The following KCNT2 variants were observed in gnomAD, a reference collection of about 807,000 sequenced individuals.
KCNT2 encodes the protein potassium channel subfamily T member 2.
In KCNT2, 67 loss-of-function variants were observed where a neutral mutation model predicts 153.8. The observed-to-expected ratio is 0.44, with a 90% CI of 0.36 to 0.53. The LOEUF (loss-of-function observed/expected upper bound fraction) is 0.53. Among genes scored for constraint, KCNT2 ranks in the 20% least tolerant of loss-of-function variants. KCNT2 has a pLI of 0.00. For missense variants in KCNT2, 975 were observed against 1,354.8 expected, an observed-to-expected ratio of 0.72 and a Z score of 4.40; for synonymous variants, 500 against 458.8, an observed-to-expected ratio of 1.09 and a Z score of -1.15.
intron 26 of KCNT2, among the ~76,000 whole-genome samples, chr1:196,239,106 T>C (rs1000634788): frequency 5.3e-5 from 8 of 151,964 alleles, no homozygotes; most frequent in Non-Finnish European, 8.8e-5. Flanking sequence ...CCATATTTAC[T>C]GAATAAAATA....
At chr1:196,543,178 C>G (rs1656617207) in intron 1 of KCNT2, among the ~76,000 whole-genome samples, 1 of 152,096 alleles carries the variant, frequency 6.6e-6, no homozygotes, top group South Asian at 2.1e-4. Context: ...AAGCTTTATG[C>G]ATGAGAAATT....
At chr1:196,590,370 C>T (rs1036372077) in intron 1 of KCNT2, among the ~76,000 whole-genome samples, 1 of 152,128 alleles carries the variant, frequency 6.6e-6, no homozygotes, top group Non-Finnish European at 1.5e-5. Flanking sequence ...CAGCTACTGA[C>T]AGATAATATT....
At chr1:196,564,179 A>G (rs1659789667) in intron 1 of KCNT2, among the ~76,000 whole-genome samples, 1 of 151,922 alleles carries the variant, frequency 6.6e-6, no homozygotes, top group Non-Finnish European at 1.5e-5. Context: ...GTTGCAGGAT[A>G]CAAAATCACA....
intron 12 of KCNT2, among the ~76,000 whole-genome samples, chr1:196,404,336 G>GT (rs947235541): frequency 2.0e-5 from 3 of 151,718 alleles, no homozygotes; most frequent in African/African-American, 7.2e-5. Context: ...ATCAGATGCA[G>GT]TTTTTTCCAA....
chr1:196,411,464 A>AAG (rs1553317325), intron 12 of KCNT2, among the ~76,000 whole-genome samples: 2,756 of 150,096 alleles, frequency 0.018, 92 homozygotes, highest in African/African-American at 0.064. Context: ...AAAAAAAAAA[A>AAG]AAAAACGGCC....
chr1:196,387,037 T>A (rs1473914334), intron 13 of KCNT2, among the ~76,000 whole-genome samples: 1 of 152,094 alleles, frequency 6.6e-6, no homozygotes, highest in Non-Finnish European at 1.5e-5. Flanking sequence ...ATCTCACTGC[T>A]TAGATATAAC....
At chr1:196,540,002 G>A (rs1656122360) in intron 1 of KCNT2, among the ~76,000 whole-genome samples, 1 of 151,846 alleles carries the variant, frequency 6.6e-6, no homozygotes, top group Admixed American at 6.6e-5. Context: ...TATCCAACAA[G>A]GGTATGATCA....
Position 196,333,938 on chromosome 1 carries a change from C to A in KCNT2, c.1906G>T (p.Ala636Ser). 2 of 1,612,648 alleles carry A rather than the reference C, an allele frequency of 1.2e-6. No individual in the cohort carries two copies. The highest frequency in any genetic ancestry group is 1.7e-6 in the Non-Finnish European group (2 of 1,178,958). ...RPSIAPVLEV[A>S]DTSSIQTCDL... is the part of the protein sequence containing the mutation. The stretch of plus-strand genomic sequence containing the variant: ...CATGTTTGAATCGATGATGTATCTG[C>A]AACCTCTAAAACAGGAGCAATGCTA... The change falls in exon 17 of 28, where the codon GCA becomes TCA. Residue 636 changes from alanine to serine, a missense_variant. Ala to Ser is a moderately conservative substitution (Grantham distance 99). Around this residue, in one of 6 missense-constraint regions of KCNT2, gnomAD observed 325 missense variants for 388.1 expected, o/e 0.84. Transcript: ENST00000294725.
At chr1:196,435,308 G>A (rs1319188534) in intron 8 of KCNT2, among the ~76,000 whole-genome samples, 1 of 149,452 alleles carries the variant, frequency 6.7e-6, no homozygotes, top group Non-Finnish European at 1.5e-5. Context: ...AGTACTAAAA[G>A]CAAGTAAAAT....
At chr1:196,549,931 A>G (rs918861589) in intron 1 of KCNT2, among the ~76,000 whole-genome samples, 1 of 151,884 alleles carries the variant, frequency 6.6e-6, no homozygotes, top group African/African-American at 2.4e-5. Context: ...TAGGCTGAGA[A>G]AGAAACAGAG....
intron 13 of KCNT2, among the ~76,000 whole-genome samples, chr1:196,380,543 A>G (rs574216322): frequency 1.6e-4 from 24 of 152,310 alleles, no homozygotes; most frequent in Admixed American, 1.2e-3. Context: ...GAAAACAGTA[A>G]ATAGTGGAAA....
At chr1:196,354,656 T>C (rs1291110380) in intron 14 of KCNT2, among the ~76,000 whole-genome samples, 1 of 151,794 alleles carries the variant, frequency 6.6e-6, no homozygotes, top group Non-Finnish European at 1.5e-5. Context: ...ATTGATATTC[T>C]ATTTTGAAGA....
At chr1:196,289,300 C>T (rs1211720717) in intron 22 of KCNT2, among the ~76,000 whole-genome samples, 1 of 151,924 alleles carries the variant, frequency 6.6e-6, no homozygotes, top group Admixed American at 6.6e-5. Flanking sequence ...TTGAATATAA[C>T]CTGTTAAAAC....
chr1:196,357,169 A>G (rs1367473884), intron 14 of KCNT2, among the ~76,000 whole-genome samples: 2 of 151,938 alleles, frequency 1.3e-5, no homozygotes, highest in African/African-American at 4.8e-5. Flanking sequence ...CTATAAGTCT[A>G]TGACTTCAGA....
intron 9 of KCNT2, 60 bp downstream of exon 9, chr1:196,429,517 T>G: frequency 9.2e-7 from 1 of 1,091,670 alleles, no homozygotes; most frequent in East Asian, 2.5e-5. Flanking sequence ...TTATTAAATG[T>G]GGAGGATTCA....
chr1:196,495,348 A>G (rs75937308), intron 1 of KCNT2, among the ~76,000 whole-genome samples: 2,613 of 152,120 alleles, frequency 0.017, 80 homozygotes, highest in African/African-American at 0.059. Flanking sequence ...GACCTTCCTC[A>G]GCACCAGTTT....
At chr1:196,301,856 T>C (rs925830502) in intron 22 of KCNT2, among the ~76,000 whole-genome samples, 2 of 152,032 alleles carry the variant, frequency 1.3e-5, no homozygotes, top group African/African-American at 4.8e-5. Context: ...TCTCATGCCT[T>C]AGCCTCCTGA....
intron 25 of KCNT2, among the ~76,000 whole-genome samples, chr1:196,263,168 T>C (rs573586892): frequency 4.1e-4 from 63 of 152,036 alleles, no homozygotes; most frequent in Admixed American, 2.6e-3. Flanking sequence ...TCCACCTATA[T>C]ATAATTCTTT....
At chr1:196,518,056 A>C (rs1051327451) in intron 1 of KCNT2, among the ~76,000 whole-genome samples, 1 of 152,336 alleles carries the variant, frequency 6.6e-6, no homozygotes, top group East Asian at 1.9e-4. Flanking sequence ...TGAGGCTAAC[A>C]GTGGACCTCT....
Sources: allele counts gnomAD v4.1 joint callset (sites outside exome capture counted in the v4.1 genomes callset), GRCh38; gene constraint gnomAD v4.1.1; regional missense constraint gnomAD v4.1.1; transcripts MANE v1.5; gene names NCBI Gene and HGNC (gene_info 2026-07-23, HGNC 2026-07-21).